CCDC73: variants seen among roughly 807,000 people sequenced by gnomAD.
CCDC73 encodes coiled-coil domain containing 73.
A neutral mutation model predicts 116.5 loss-of-function variants in CCDC73; 95 were observed. The observed-to-expected ratio is 0.82, with a 90% confidence interval of 0.69 to 0.97. The LOEUF (loss-of-function observed/expected upper bound fraction) is 0.97, where lower values mean the gene tolerates loss of function less well. CCDC73 is among the 50% of genes least tolerant of loss of function. The probability of loss-of-function intolerance (pLI) is 0.00; values close to 1 mark genes in which losing one functional copy is unlikely to be tolerated. For synonymous variants in CCDC73, 398 were observed against 401.3 expected (o/e 0.99, Z 0.10); for missense variants, 1,066 against 1,206.8 (o/e 0.88, Z 1.73).
chr11:32,821,509 C>T, the CCDC73 span, among the ~76,000 whole-genome samples: 6 of 151,994 alleles, frequency 3.9e-5, no homozygotes, highest in African/African-American at 1.2e-4. Flanking sequence ...TACAAAGGCA[C>T]AAATTGCTTT....
intron 17 of CCDC73, 195 bp from the exon 18 acceptor site, chr11:32,603,215 TAATA>T (rs1221761026): frequency 2.0e-6 from 1 of 496,382 alleles, no homozygotes. Context: ...TCAAAATCTC[TAATA>T]TATAACTGAA....
At chr11:32,655,149 A>T (rs975769961) in intron 9 of CCDC73, among the ~76,000 whole-genome samples, 177 bp from the exon 10 acceptor site, 1 of 152,278 alleles carries the variant, frequency 6.6e-6, no homozygotes, top group Non-Finnish European at 1.5e-5. Flanking sequence ...GTTGTGGATC[A>T]GGCAAAGTTA....
chr11:32,680,889 G>T (rs1405538541), intron 7 of CCDC73: 2 of 151,882 alleles, frequency 1.3e-5, no homozygotes, highest in Non-Finnish European at 2.9e-5. Flanking sequence ...AAAATCTATG[G>T]CATCTTTCTT....
intron 13 of CCDC73, among the ~76,000 whole-genome samples, chr11:32,637,585 C>A (rs1003091015): frequency 1.3e-5 from 2 of 151,574 alleles, no homozygotes; most frequent in Admixed American, 6.6e-5. Context: ...GCTCCCTCTC[C>A]CCTCCTGCCC....
At position 32,632,656 on chromosome 11, in the gene CCDC73, G is replaced by T. The variant is rs527912470; in HGVS notation, c.1185+3040C>A. ...ATTGTTCTATCAATTAGTGGGAGAAGAATGTTAAAATCTTTCATTATAACT... is the reference window on the plus strand; with the variant it reads ...ATTGTTCTATCAATTAGTGGGAGAATAATGTTAAAATCTTTCATTATAACT... On this transcript the variant is annotated intron_variant, in intron 14 of 17. Coordinates refer to ENST00000335185, the MANE Select transcript of CCDC73 (RefSeq NM_001008391.4). 2.1e-3 allele frequency among the ~76,000 whole-genome samples: 318 copies of T among 152,192 alleles called. 1 individual carries two copies. The highest frequency in any genetic ancestry group is 7.3e-3 in the African/African-American group (305 of 41,508).
At chr11:32,607,636 A>G (rs1855372289) in intron 17 of CCDC73, among the ~76,000 whole-genome samples, 1 of 141,744 alleles carries the variant, frequency 7.1e-6, no homozygotes, top group Non-Finnish European at 1.6e-5. Context: ...CCAATTGGGC[A>G]AGGTTAAGAC....
the CCDC73 span, among the ~76,000 whole-genome samples, chr11:32,827,337 A>G: frequency 6.6e-6 from 1 of 152,178 alleles, no homozygotes; most frequent in Non-Finnish European, 1.5e-5. Flanking sequence ...GTTTGTGTGC[A>G]TGCTGCCAAA....
At chr11:32,703,727 A>G (rs575660620) in intron 3 of CCDC73, among the ~76,000 whole-genome samples, 2 of 105,104 alleles carry the variant, frequency 1.9e-5, no homozygotes, top group East Asian at 5.1e-4. Context: ...AACTACCACA[A>G]GAGAATTTCT....
intron 3 of CCDC73, among the ~76,000 whole-genome samples, chr11:32,708,468 G>A (rs1231709440): frequency 6.6e-6 from 1 of 152,100 alleles, no homozygotes; most frequent in Non-Finnish European, 1.5e-5. Context: ...TATGGAAATT[G>A]CATTGAATTT....
chr11:32,672,379 G>A (rs976510023), intron 9 of CCDC73, among the ~76,000 whole-genome samples: 1 of 152,110 alleles, frequency 6.6e-6, no homozygotes, highest in Admixed American at 6.5e-5. Context: ...ATGTTACAAT[G>A]AAACATCTGT....
At chr11:32,691,000 C>T (rs1856252319) in intron 6 of CCDC73, among the ~76,000 whole-genome samples, 1 of 151,246 alleles carries the variant, frequency 6.6e-6, no homozygotes, top group Admixed American at 6.6e-5. Context: ...TAAAAAACTT[C>T]TGTACTCTGT....
intron 6 of CCDC73, among the ~76,000 whole-genome samples, chr11:32,683,811 T>C (rs1029562667): frequency 6.6e-6 from 1 of 151,922 alleles, no homozygotes; most frequent in Non-Finnish European, 1.5e-5. Context: ...CTAGTGGGGG[T>C]GGTGATAGAC....
the CCDC73 span, among the ~76,000 whole-genome samples, chr11:32,812,153 C>A: frequency 6.6e-6 from 1 of 152,106 alleles, no homozygotes; most frequent in South Asian, 2.1e-4. Flanking sequence ...TTCCCATTGG[C>A]CTATGTCCCT....
At position 32,678,658 on chromosome 11, in the gene CCDC73, G is replaced by A. The variant is rs547465541; in HGVS notation, c.430-2637C>T. Reference sequence around the variant, plus strand: ...CCCAGCACTTTGGGAGGCCAAGGTGGACGGATCACAAGGTCAGGAGTTCGA... The same window carrying A: ...CCCAGCACTTTGGGAGGCCAAGGTGAACGGATCACAAGGTCAGGAGTTCGA... On this transcript the variant is annotated intron_variant, in intron 7 of 17. Coordinates refer to ENST00000335185, the MANE Select transcript of CCDC73 (RefSeq NM_001008391.4). 2.8e-4 allele frequency among the ~76,000 whole-genome samples: 42 copies of A among 152,090 alleles called. No homozygotes were observed. In the South Asian group the frequency reaches 8.7e-3, roughly 32 times the overall value.
the CCDC73 span, among the ~76,000 whole-genome samples, chr11:32,809,502 G>T: frequency 6.6e-6 from 1 of 152,190 alleles, no homozygotes; most frequent in African/African-American, 2.4e-5. Flanking sequence ...CTGCATCTGT[G>T]TCAATCCCTG....
intron 1 of CCDC73, among the ~76,000 whole-genome samples, chr11:32,769,546 T>C (rs1177866433): frequency 6.6e-6 from 1 of 152,118 alleles, no homozygotes; most frequent in Non-Finnish European, 1.5e-5. Context: ...CACATTCTAT[T>C]CAACAAAGCA....
the CCDC73 span, among the ~76,000 whole-genome samples, chr11:32,814,046 T>C: frequency 6.6e-6 from 1 of 152,214 alleles, no homozygotes; most frequent in Non-Finnish European, 1.5e-5. Context: ...TCTTCTTTGA[T>C]CTCTTTCAGT....
intron 2 of CCDC73, among the ~76,000 whole-genome samples, chr11:32,752,759 GAT>G (rs553524926): frequency 1.6e-3 from 248 of 152,196 alleles, no homozygotes; most frequent in African/African-American, 5.7e-3. Context: ...TTGTAAATAA[GAT>G]ATTGATTTTT....
intron 1 of CCDC73, among the ~76,000 whole-genome samples, chr11:32,765,327 A>G (rs1266466537): frequency 2.0e-5 from 3 of 152,214 alleles, no homozygotes; most frequent in African/African-American, 7.2e-5. Context: ...TCTCAGCACC[A>G]CATCACACTT....
Sources: allele counts gnomAD v4.1 joint callset (sites outside exome capture counted in the v4.1 genomes callset), GRCh38; gene constraint gnomAD v4.1.1; transcripts MANE v1.5; gene names NCBI Gene and HGNC (gene_info 2026-07-23, HGNC 2026-07-21).